The following SLC24A2 variants were observed in gnomAD, a reference collection of about 807,000 sequenced individuals.
The protein encoded by SLC24A2 is sodium/potassium/calcium exchanger 2.
SLC24A2 carries 36 observed loss-of-function variants against 62.0 expected under a neutral mutation model. The observed-to-expected ratio is 0.58, with a 90% confidence interval of 0.44 to 0.77. SLC24A2 has a LOEUF of 0.77. SLC24A2 is among the 30% of genes least tolerant of loss of function. The pLI, the probability that SLC24A2 is intolerant of heterozygous loss-of-function variation, is 0.00. For synonymous variants in SLC24A2, 358 were observed against 294.0 expected, an observed-to-expected ratio of 1.22 and a Z score of -2.23; for missense variants, 846 against 817.9, an observed-to-expected ratio of 1.03 and a Z score of -0.42.
the SLC24A2 span, among the ~76,000 whole-genome samples, chr9:19,899,491 T>C: frequency 6.6e-6 from 1 of 152,142 alleles, no homozygotes; most frequent in Non-Finnish European, 1.5e-5. Flanking sequence ...CAAGCCTTGG[T>C]CCTCAGCTTC....
chr9:19,508,244 C>CTG lies in SLC24A2; in HGVS notation c.*7907_*7908dup, dbSNP rs1832579287. On this transcript the variant is annotated 3_prime_UTR_variant, in exon 11 of 11. Coordinates refer to ENST00000341998, the MANE Select transcript of SLC24A2 (RefSeq NM_020344.4). ...AGGGTTCAATAGCGCAATTCAGTAA[C>CTG]TGAGGCTCCCTCTTCCGAATAGAGT... 1 of 152,182 alleles carries CTG rather than the reference C, an allele frequency of 6.6e-6. No homozygotes were observed. Among genetic ancestry groups the CTG allele is most frequent in the Non-Finnish European group, 1.5e-5 (1 of 68,050 alleles). The allele number at this position is 152,182 out of a possible 1,614,324, so 9.4% of individuals were successfully genotyped here. A position where few individuals can be genotyped will look rare whatever the true frequency, so the allele number is the denominator to read the frequency against.
At chr9:20,058,636 C>A in the SLC24A2 span, among the ~76,000 whole-genome samples, 1 of 152,144 alleles carries the variant, frequency 6.6e-6, no homozygotes, top group Non-Finnish European at 1.5e-5. Context: ...CAAATACAGG[C>A]TGCATGTAGA....
chr9:19,526,391 G>A (rs1371114340), intron 9 of SLC24A2, among the ~76,000 whole-genome samples: 1 of 152,084 alleles, frequency 6.6e-6, no homozygotes, highest in Non-Finnish European at 1.5e-5. Context: ...AGATCATATG[G>A]TAACTCTATG....
the SLC24A2 span, among the ~76,000 whole-genome samples, chr9:20,104,554 T>A: frequency 6.6e-6 from 1 of 152,204 alleles, no homozygotes; most frequent in African/African-American, 2.4e-5. Context: ...TCAGCATTCT[T>A]AAAGAAAAGA....
At chr9:19,589,936 G>C (rs1404061251) in intron 5 of SLC24A2, among the ~76,000 whole-genome samples, 1 of 152,146 alleles carries the variant, frequency 6.6e-6, no homozygotes, top group African/African-American at 2.4e-5. Context: ...TCTAGACAAA[G>C]AGACTCACTC....
At chr9:20,036,874 ATGTGTGTGTG>A in the SLC24A2 span, among the ~76,000 whole-genome samples, 1 of 149,410 alleles carries the variant, frequency 6.7e-6, no homozygotes, top group Admixed American at 6.7e-5. Flanking sequence ...ATATGTATAT[ATGTGTGTGTG>A]TGTGTGCGTA....
intron 8 of SLC24A2, among the ~76,000 whole-genome samples, chr9:19,539,107 T>C (rs1174463220): frequency 1.4e-5 from 1 of 73,940 alleles, no homozygotes; most frequent in Non-Finnish European, 2.7e-5. Flanking sequence ...TTTTCTTTAT[T>C]AGTCTTGCTA....
the SLC24A2 span, among the ~76,000 whole-genome samples, chr9:20,051,109 CA>C: frequency 6.6e-6 from 1 of 151,872 alleles, no homozygotes; most frequent in Admixed American, 6.6e-5. Context: ...GATAAAAACA[CA>C]AGATTCAACA....
chr9:19,849,346 A>G, the SLC24A2 span, among the ~76,000 whole-genome samples: 1 of 152,238 alleles, frequency 6.6e-6, no homozygotes, highest in African/African-American at 2.4e-5. Context: ...AATGTAAAGC[A>G]TATAAGTAAT....
chr9:19,531,529 T>A (rs1833706656), intron 8 of SLC24A2, among the ~76,000 whole-genome samples: 1 of 152,204 alleles, frequency 6.6e-6, no homozygotes, highest in Non-Finnish European at 1.5e-5. Context: ...GATGCTCTGA[T>A]TAGAAGCTTT....
the SLC24A2 span, among the ~76,000 whole-genome samples, chr9:20,075,924 G>T: frequency 1.3e-5 from 2 of 152,058 alleles, no homozygotes; most frequent in Non-Finnish European, 2.9e-5. Context: ...AAATGGTGTC[G>T]TATTTGCATA....
At chr9:19,910,755 G>A in the SLC24A2 span, among the ~76,000 whole-genome samples, 1 of 151,980 alleles carries the variant, frequency 6.6e-6, no homozygotes, top group Non-Finnish European at 1.5e-5. Context: ...GTTACATATA[G>A]TACTCTGAAA....
chr9:19,813,694 C>G, the SLC24A2 span, among the ~76,000 whole-genome samples: 2 of 152,054 alleles, frequency 1.3e-5, no homozygotes, highest in Admixed American at 6.6e-5. Flanking sequence ...TATGTTGAAA[C>G]CAAATCATCA....
chr9:19,956,649 A>T, the SLC24A2 span, among the ~76,000 whole-genome samples: 3 of 152,162 alleles, frequency 2.0e-5, no homozygotes, highest in Non-Finnish European at 4.4e-5. Context: ...CCGTTTTTAA[A>T]ACCATCAGAT....
At chr9:20,122,700 C>T in the SLC24A2 span, among the ~76,000 whole-genome samples, 5 of 152,066 alleles carry the variant, frequency 3.3e-5, no homozygotes, top group African/African-American at 1.2e-4. Context: ...AAACAAACAA[C>T]AAACAACAAC....
chr9:20,265,882 C>A, the SLC24A2 span, among the ~76,000 whole-genome samples: 1 of 152,188 alleles, frequency 6.6e-6, no homozygotes, highest in Admixed American at 6.5e-5. Context: ...CTAAAATGGC[C>A]CCCTTGGGTG....
At chr9:19,838,233 G>T in the SLC24A2 span, among the ~76,000 whole-genome samples, 1 of 152,056 alleles carries the variant, frequency 6.6e-6, no homozygotes, top group South Asian at 2.1e-4. Flanking sequence ...ATAGACCAAT[G>T]GAACAGAACA....
chr9:19,826,931 C>T, the SLC24A2 span, among the ~76,000 whole-genome samples: 6 of 152,020 alleles, frequency 3.9e-5, no homozygotes, highest in Non-Finnish European at 8.8e-5. Context: ...AGTTTGTTTC[C>T]CTCCTTACTG....
intron 1 of SLC24A2, among the ~76,000 whole-genome samples, chr9:19,787,542 ATTCT>A (rs767439145): frequency 2.6e-5 from 4 of 152,192 alleles, no homozygotes; most frequent in Admixed American, 6.5e-5. Context: ...AAAGTGAGTG[ATTCT>A]TTAATTTAGT....
Sources: allele counts gnomAD v4.1 joint callset (sites outside exome capture counted in the v4.1 genomes callset), GRCh38; gene constraint gnomAD v4.1.1; transcripts MANE v1.5; gene names NCBI Gene and HGNC (gene_info 2026-07-23, HGNC 2026-07-21).